The following ASIC2 variants were observed in gnomAD, a reference collection of about 807,000 sequenced individuals.
ASIC2 encodes the protein acid sensing ion channel subunit 2, also known as acid-sensing ion channel 2.
ASIC2 carries 25 observed loss-of-function variants against 57.3 expected under a neutral mutation model. The observed-to-expected ratio is 0.44, with a 90% CI of 0.32 to 0.61. The LOEUF (loss-of-function observed/expected upper bound fraction) is 0.61. ASIC2 is among the 20% of genes least tolerant of loss of function. ASIC2 has a pLI of 0.06. For synonymous variants in ASIC2, 319 were observed against 307.5 expected, an observed-to-expected ratio of 1.04 and a Z score of -0.39; for missense variants, 641 against 738.1, an observed-to-expected ratio of 0.87 and a Z score of 1.52.
rs78981574 is a variant in ASIC2 at position 33,372,425 on chromosome 17, G to A, written c.556-260358C>T. Reference sequence around the variant, plus strand: ...AAGCTCTGCCTACCCCCTGGGGCCCGGGGGAATGAGACAAAGCAGCAGGTA... The same window carrying A: ...AAGCTCTGCCTACCCCCTGGGGCCCAGGGGAATGAGACAAAGCAGCAGGTA... On this transcript the variant is annotated intron_variant, in intron 1 of 9. Coordinates refer to the ASIC2 transcript ENST00000359872. Among the ~76,000 whole-genome samples the A allele has an allele frequency of 5.4e-4, 82 of 152,102 alleles. 1 individual carries two copies. In the East Asian group the frequency reaches 0.013, roughly 23 times the overall value.
At chr17:33,168,659 A>C (rs1421397990) in intron 1 of ASIC2, among the ~76,000 whole-genome samples, 1 of 152,202 alleles carries the variant, frequency 6.6e-6, no homozygotes, top group Non-Finnish European at 1.5e-5. Flanking sequence ...AAGGGCAATG[A>C]ATTAGGCTAT....
At chr17:33,652,575 TTC>T (rs1906953699) in intron 1 of ASIC2, among the ~76,000 whole-genome samples, 1 of 152,192 alleles carries the variant, frequency 6.6e-6, no homozygotes. Context: ...AGATTGTAAT[TTC>T]CAGCTCCAGA....
chr17:33,803,421 T>C (rs752177874), intron 1 of ASIC2, among the ~76,000 whole-genome samples: 12 of 152,062 alleles, frequency 7.9e-5, no homozygotes, highest in Non-Finnish European at 1.6e-4. Context: ...TTTTCTTAAG[T>C]GCACTTTCAG....
chr17:33,435,353 A>G (rs1911571169), intron 1 of ASIC2, among the ~76,000 whole-genome samples: 1 of 152,244 alleles, frequency 6.6e-6, no homozygotes, highest in Non-Finnish European at 1.5e-5. Flanking sequence ...TAAATAGCAA[A>G]GAAATCACCA....
chr17:33,021,402 A>C (rs2091834991), intron 6 of ASIC2, 92 bp from the exon 7 acceptor site: 2 of 1,087,944 alleles, frequency 1.8e-6, no homozygotes, highest in Admixed American at 2.5e-5. Context: ...AAGATGGAGA[A>C]AAGGAGGCCC....
intron 1 of ASIC2, among the ~76,000 whole-genome samples, chr17:34,018,931 G>A (rs545013983): frequency 4.6e-4 from 70 of 151,224 alleles, no homozygotes; most frequent in African/African-American, 1.6e-3. Context: ...TTTTTGAGAC[G>A]GAGTCTCGCT....
At chr17:33,968,071 C>A (rs563968630) in intron 1 of ASIC2, among the ~76,000 whole-genome samples, 3 of 152,214 alleles carry the variant, frequency 2.0e-5, no homozygotes, top group Non-Finnish European at 2.9e-5. Flanking sequence ...TGTCAATACC[C>A]GTATTGTGCC....
intron 1 of ASIC2, among the ~76,000 whole-genome samples, chr17:33,929,698 C>T (rs1915891367): frequency 6.6e-6 from 1 of 152,214 alleles, no homozygotes; most frequent in Non-Finnish European, 1.5e-5. Context: ...CTCTGGCCTT[C>T]CTGTCTCCTA....
chr17:33,806,721 G>A (rs1409894581), intron 1 of ASIC2, among the ~76,000 whole-genome samples: 1 of 152,102 alleles, frequency 6.6e-6, no homozygotes, highest in Non-Finnish European at 1.5e-5. Context: ...CCTGAATGGG[G>A]TCTCACACCA....
intron 1 of ASIC2, among the ~76,000 whole-genome samples, chr17:33,666,337 T>C (rs1907470295): frequency 6.6e-6 from 1 of 152,010 alleles, no homozygotes; most frequent in Non-Finnish European, 1.5e-5. Context: ...CGGGCAGAGT[T>C]TGGGGAGATT....
chr17:33,550,156 G>A (rs566337797), intron 1 of ASIC2, among the ~76,000 whole-genome samples: 1 of 152,308 alleles, frequency 6.6e-6, no homozygotes, highest in South Asian at 2.1e-4. Context: ...GTCATTTGGG[G>A]CCAGAGGTCC....
At chr17:33,391,907 T>G (rs1909904593) in intron 1 of ASIC2, among the ~76,000 whole-genome samples, 1 of 152,222 alleles carries the variant, frequency 6.6e-6, no homozygotes, top group Non-Finnish European at 1.5e-5. Flanking sequence ...TTAGAGAGGT[T>G]AAAGTGACTT....
chr17:33,641,005 C>T (rs1233358608), intron 1 of ASIC2, among the ~76,000 whole-genome samples: 1 of 152,130 alleles, frequency 6.6e-6, no homozygotes, highest in Non-Finnish European at 1.5e-5. Context: ...AACATAGACC[C>T]TATGGGAGAA....
intron 1 of ASIC2, among the ~76,000 whole-genome samples, chr17:33,545,932 C>T (rs9899325): frequency 0.46 from 70,335 of 151,852 alleles, 16,368 homozygotes; most frequent in South Asian, 0.53. Flanking sequence ...GTTCTCCAAA[C>T]GTGCCTTGGA....
intron 1 of ASIC2, among the ~76,000 whole-genome samples, chr17:33,369,284 C>A (rs574062178): frequency 3.3e-5 from 5 of 152,234 alleles, no homozygotes; most frequent in African/African-American, 1.2e-4. Flanking sequence ...TTCTCTAGTA[C>A]CTGAATCCAC....
chr17:33,180,391 A>C (rs1169050963), intron 1 of ASIC2, among the ~76,000 whole-genome samples: 3 of 152,210 alleles, frequency 2.0e-5, no homozygotes, highest in Non-Finnish European at 4.4e-5. Flanking sequence ...TCATGGAAGC[A>C]GGAGGAGCGC....
At chr17:33,359,794 AGCAG>A (rs997244088) in intron 1 of ASIC2, among the ~76,000 whole-genome samples, 2 of 152,142 alleles carry the variant, frequency 1.3e-5, no homozygotes, top group African/African-American at 2.4e-5. Flanking sequence ...GTGATGCTCC[AGCAG>A]GCATCTGGGG....
At chr17:33,865,755 A>C (rs540373922) in intron 1 of ASIC2, among the ~76,000 whole-genome samples, 75 of 91,320 alleles carry the variant, frequency 8.2e-4, no homozygotes, top group African/African-American at 1.9e-3. Flanking sequence ...TAATAAAAAA[A>C]AAATAAAAAA....
intron 1 of ASIC2, among the ~76,000 whole-genome samples, chr17:33,855,335 G>C (rs1913893457): frequency 6.6e-6 from 1 of 152,184 alleles, no homozygotes; most frequent in Admixed American, 6.5e-5. Flanking sequence ...TGGTCACACA[G>C]AGTTGGACGC....
Sources: allele counts gnomAD v4.1 joint callset (sites outside exome capture counted in the v4.1 genomes callset), GRCh38; gene constraint gnomAD v4.1.1; transcripts MANE v1.5; gene names NCBI Gene and HGNC (gene_info 2026-07-23, HGNC 2026-07-21).